Variants in MACF1 observed in about 807,000 individuals in gnomAD.
The protein encoded by MACF1 is microtubule-actin cross-linking factor 1.
A neutral mutation model predicts 854.8 loss-of-function variants in MACF1; 193 were observed. That is an observed-to-expected ratio of 0.23 (90% CI 0.20 to 0.25). MACF1 has a LOEUF of 0.25. MACF1 is among the 10% of genes least tolerant of loss of function. MACF1 has a pLI of 1.00. For synonymous variants in MACF1, 3,185 were observed against 3,226.7 expected, an observed-to-expected ratio of 0.99 and a Z score of 0.44; for missense variants, 7,722 against 8,929.1, an observed-to-expected ratio of 0.86 and a Z score of 5.45.
intron 33 of MACF1, among the ~76,000 whole-genome samples, chr1:39,323,535 CTG>C (rs1031288209): frequency 7.9e-5 from 12 of 151,556 alleles, no homozygotes; most frequent in Non-Finnish European, 1.5e-4. Context: ...AAAAACAAAA[CTG>C]TGTACTACAA....
chr1:39,239,264 G>GAGC (rs1436928870), intron 2 of MACF1, among the ~76,000 whole-genome samples: 2 of 150,018 alleles, frequency 1.3e-5, no homozygotes, highest in Admixed American at 1.4e-4. Flanking sequence ...GTGGGTGACA[G>GAGC]AGCGAGACTC....
intron 36 of MACF1, 54 bp downstream of exon 36, chr1:39,327,407 A>G (rs1646636154): frequency 7.9e-6 from 12 of 1,518,158 alleles, no homozygotes; most frequent in Non-Finnish European, 1.1e-5. Flanking sequence ...GAATGGTATG[A>G]AGGCAGCTTT....
chr1:39,304,008 C>T (rs1484287763), intron 23 of MACF1, among the ~76,000 whole-genome samples: 1 of 150,382 alleles, frequency 6.6e-6, no homozygotes, highest in Non-Finnish European at 1.5e-5. Context: ...ACGTTGATGC[C>T]ATTTCTTTCT....
chr1:39,410,721 CAGTG>C, intron 58 of MACF1: 2 of 1,613,882 alleles, frequency 1.2e-6, no homozygotes, highest in Non-Finnish European at 1.7e-6. Flanking sequence ...AAGCTTCTCT[CAGTG>C]AGGTTTCAGA....
At chr1:39,117,354 C>T (rs980944560) in intron 2 of MACF1, among the ~76,000 whole-genome samples, 13 of 152,124 alleles carry the variant, frequency 8.5e-5, no homozygotes, top group African/African-American at 1.7e-4. Flanking sequence ...TTGCCATGTT[C>T]GCCACAGTGT....
At chr1:39,140,102 T>A (rs1643305292) in intron 2 of MACF1, among the ~76,000 whole-genome samples, 1 of 152,048 alleles carries the variant, frequency 6.6e-6, no homozygotes, top group South Asian at 2.1e-4. Flanking sequence ...TATAGGTGTA[T>A]GCCACTACAC....
intron 85 of MACF1, 36 bp from the exon 86 acceptor site, chr1:39,452,120 C>T: frequency 6.5e-7 from 1 of 1,534,846 alleles, no homozygotes; most frequent in Non-Finnish European, 8.8e-7. Flanking sequence ...TCAAAACATT[C>T]CTTGAACAAA....
At chr1:39,337,726 C>T (rs1302364073) in intron 38 of MACF1, among the ~76,000 whole-genome samples, 5 of 151,324 alleles carry the variant, frequency 3.3e-5, no homozygotes, top group Non-Finnish European at 7.4e-5. Context: ...GCCGCCACGC[C>T]TGGCTAATTT....
intron 2 of MACF1, among the ~76,000 whole-genome samples, chr1:39,101,648 C>G (rs1032742466): frequency 1.3e-5 from 2 of 150,266 alleles, no homozygotes; most frequent in African/African-American, 4.9e-5. Flanking sequence ...CACAGTGAAA[C>G]CCTTTCTCTA....
chr1:39,104,303 T>C (rs968907542), intron 2 of MACF1, among the ~76,000 whole-genome samples: 2 of 152,216 alleles, frequency 1.3e-5, no homozygotes, highest in African/African-American at 4.8e-5. Context: ...GATTGAATGA[T>C]ACACAACCGA....
rs368927650 is a variant in MACF1 at position 39,335,224 on chromosome 1, G to A, written c.8636G>A (p.Gly2879Asp). The A allele has an allele frequency of 1.7e-5, 27 of 1,613,834 alleles. No homozygotes were observed. Among genetic ancestry groups the A allele is most frequent in the African/African-American group, 2.7e-5 (2 of 74,882 alleles). The change falls in exon 37 of 101, where the codon GGC becomes GAC. Residue 2879 changes from glycine to aspartate, a missense_variant. Gly to Asp is a moderately conservative substitution (Grantham distance 94). Transcript: ENST00000564288. ...NPHNLKGKSL[G>D]QVSLTHPYSE... Reference sequence around the variant, plus strand: ...CATAATCTTAAAGGTAAATCCTTGGGCCAAGTGTCATTGACACACCCTTAC... The same window carrying A: ...CATAATCTTAAAGGTAAATCCTTGGACCAAGTGTCATTGACACACCCTTAC...
chr1:39,366,461 C>T (rs560856008), intron 49 of MACF1, among the ~76,000 whole-genome samples: 159 of 151,610 alleles, frequency 1.0e-3, no homozygotes, highest in Non-Finnish European at 1.9e-3. Flanking sequence ...TCAGCCTCCC[C>T]AGCAACTGGG....
At chr1:39,410,893 A>C in intron 58 of MACF1, 1 of 1,614,046 alleles carries the variant, frequency 6.2e-7, no homozygotes, top group Non-Finnish European at 8.5e-7. Context: ...GCAAGATTTT[A>C]AAAACTTAAG....
intron 51 of MACF1, among the ~76,000 whole-genome samples, chr1:39,370,396 G>A (rs928471737): frequency 2.0e-5 from 3 of 152,152 alleles, no homozygotes; most frequent in Non-Finnish European, 4.4e-5. Context: ...TTGAGAATTA[G>A]ACAAATATAT....
chr1:39,287,516 A>G lies in MACF1; in HGVS notation c.1739A>G (p.Asn580Ser), dbSNP rs1645667874. ...ATCAGCTCCTCTGAAGATGAAGGCA[A>G]TCTCCGATTTGTGTATGAACTACTG... Reference protein sequence around the residue: ...VAISSSEDEGNLRFVYELLSW... With the variant: ...VAISSSEDEGSLRFVYELLSW... The change falls in exon 15 of 101, where the codon AAT (asparagine) becomes AGT (serine). Residue 580 changes from asparagine (N) to serine (S), a missense_variant. Around this residue, in one of 15 missense-constraint regions of MACF1, gnomAD observed 1,137 missense variants for 1,263.0 expected, o/e 0.90. Coordinates refer to ENST00000564288, the MANE Select transcript of MACF1 (RefSeq NM_001394062.1). 2.5e-6 allele frequency: 4 copies of G among 1,614,080 alleles called. No homozygotes were observed. Among genetic ancestry groups the G allele is most frequent in the African/African-American group, 2.7e-5 (2 of 74,930 alleles).
At chr1:39,356,771 G>A (rs1292244303) in intron 44 of MACF1, among the ~76,000 whole-genome samples, 1 of 152,234 alleles carries the variant, frequency 6.6e-6, no homozygotes, top group East Asian at 1.9e-4. Context: ...TTAGCGAAGA[G>A]AGTCAGGTTT....
At chr1:39,174,970 T>C (rs1348143056) in intron 2 of MACF1, among the ~76,000 whole-genome samples, 5 of 152,216 alleles carry the variant, frequency 3.3e-5, no homozygotes, top group African/African-American at 1.2e-4. Context: ...CCTAAGTCTC[T>C]GGGCTGTTTG....
chr1:39,424,604 T>C (rs1318790814), intron 61 of MACF1, among the ~76,000 whole-genome samples: 1 of 152,220 alleles, frequency 6.6e-6, no homozygotes, highest in Non-Finnish European at 1.5e-5. Context: ...CTTATAGTAA[T>C]ATTAGATTTT....
intron 2 of MACF1, among the ~76,000 whole-genome samples, chr1:39,134,197 C>A (rs1390496898): frequency 1.6e-5 from 2 of 126,656 alleles, no homozygotes; most frequent in Non-Finnish European, 3.6e-5. Context: ...CCCGCCACCA[C>A]GCCCGGCTAA....
Sources: gnomAD v4.1 joint callset for allele counts (sites outside exome capture counted in the v4.1 genomes callset) on GRCh38, gnomAD v4.1.1 for gene constraint, gnomAD v4.1.1 regional missense constraint, MANE v1.5 for transcripts, NCBI Gene and HGNC (gene_info 2026-07-23, HGNC 2026-07-21) for gene names.